Variants in PAK1 observed in about 807,000 individuals in gnomAD.
PAK1 encodes the protein serine/threonine-protein kinase PAK 1.
In PAK1, 29 loss-of-function variants were observed where a neutral mutation model predicts 67.4. The ratio of observed to expected loss-of-function variants is 0.43; its 90% CI spans 0.32 to 0.59. PAK1 has a LOEUF of 0.59. Ranked by LOEUF, PAK1 falls within the 20% of genes least tolerant of loss-of-function variation. PAK1 has a pLI of 0.07. For missense variants in PAK1, 337 were observed against 670.7 expected (o/e 0.50, Z 5.50); for synonymous variants, 223 against 237.4 (o/e 0.94, Z 0.56).
intron 1 of PAK1, among the ~76,000 whole-genome samples, chr11:77,427,033 A>C (rs1217250351): frequency 6.6e-6 from 1 of 152,168 alleles, no homozygotes; most frequent in Admixed American, 6.5e-5. Context: ...GTGGGATCTA[A>C]AGAAATACAG....
intron 14 of PAK1, among the ~76,000 whole-genome samples, chr11:77,327,569 C>T (rs1190734326): frequency 2.0e-5 from 3 of 152,100 alleles, no homozygotes; most frequent in Non-Finnish European, 4.4e-5. Context: ...AAATCCTTTA[C>T]AGACAAGCAA....
the PAK1 span, among the ~76,000 whole-genome samples, chr11:77,525,329 CAA>C: frequency 1.5e-5 from 2 of 136,936 alleles, no homozygotes; most frequent in Non-Finnish European, 3.2e-5. Flanking sequence ...GACCGTGTCT[CAA>C]AAAAAAAAAG....
At chr11:77,444,281 A>C (rs76259055) in intron 1 of PAK1, among the ~76,000 whole-genome samples, 34,703 of 143,052 alleles carry the variant, frequency 0.24, 4,747 homozygotes, top group Non-Finnish European at 0.31. Context: ...AAACCTGGAG[A>C]GCTCTAAAAA....
chr11:77,397,076 A>G (rs1951926156), intron 1 of PAK1: 1 of 152,208 alleles, frequency 6.6e-6, no homozygotes, highest in South Asian at 2.1e-4. Context: ...AGGATGAAAA[A>G]CCAATGCCTC....
At chr11:77,524,585 T>G in the PAK1 span, among the ~76,000 whole-genome samples, 89 of 152,050 alleles carry the variant, frequency 5.9e-4, 1 homozygote, top group African/African-American at 2.0e-3. Context: ...TAGGGGAGGG[T>G]TGGAGGAGAG....
chr11:77,382,670 ACATGGC>A lies in PAK1; in HGVS notation c.191-2682_191-2677del, dbSNP rs1949983436. On this transcript the variant is annotated intron_variant, in intron 2 of 14. Coordinates refer to ENST00000356341, the MANE Select transcript of PAK1 (RefSeq NM_002576.5). ...CTGTACTTCTGAATTTCAATACAGC[ACATGGC>A]TTACTTAGTTGAAGAACACTCTAGA... Among the ~76,000 whole-genome samples the A allele has an allele frequency of 2.6e-5, 4 of 152,312 alleles. No individual in the cohort carries two copies. In the South Asian group the frequency reaches 8.3e-4, roughly 32 times the overall value.
At chr11:77,528,280 TC>T in the PAK1 span, among the ~76,000 whole-genome samples, 1 of 152,102 alleles carries the variant, frequency 6.6e-6, no homozygotes, top group East Asian at 1.9e-4. Flanking sequence ...CTTAATATTA[TC>T]TAATATCCAA....
At chr11:77,403,253 G>T (rs1481266180) in intron 1 of PAK1, among the ~76,000 whole-genome samples, 1 of 151,986 alleles carries the variant, frequency 6.6e-6, no homozygotes. Context: ...TTCACTTTCT[G>T]GTCACTCCCA....
chr11:77,382,424 T>G (rs114575894), intron 2 of PAK1, among the ~76,000 whole-genome samples: 2,204 of 152,258 alleles, frequency 0.014, 45 homozygotes, highest in African/African-American at 0.05. Context: ...TGCTCTCTTC[T>G]CCTTCTCCCT....
chr11:77,448,610 G>C (rs1331664985), intron 1 of PAK1, among the ~76,000 whole-genome samples: 1 of 152,194 alleles, frequency 6.6e-6, no homozygotes, highest in Non-Finnish European at 1.5e-5. Flanking sequence ...TGTAAGGACA[G>C]CAAGCAAAGG....
chr11:77,511,600 A>G, the PAK1 span, among the ~76,000 whole-genome samples: 1 of 152,192 alleles, frequency 6.6e-6, no homozygotes, highest in Non-Finnish European at 1.5e-5. Context: ...GCCAGGTGCC[A>G]AGACGTGACA....
Position 77,374,319 on chromosome 11 carries a change from A to C in PAK1, c.477+9T>G. The stretch of plus-strand genomic sequence containing the variant: ...TGCCCACATCAAAATAGAGTAAATA[A>C]AGACTTACCAAGGCATTAGAAGAAT... On this transcript the variant is annotated intron_variant, in intron 5 of 14. Transcript: ENST00000356341. The C allele has an allele frequency of 2.6e-6, 4 of 1,562,196 alleles. No homozygotes were observed. Among genetic ancestry groups the C allele is most frequent in the Non-Finnish European group, 3.5e-6 (4 of 1,132,786 alleles).
chr11:77,386,499 A>G (rs904529002), intron 2 of PAK1, among the ~76,000 whole-genome samples: 2 of 152,160 alleles, frequency 1.3e-5, no homozygotes, highest in African/African-American at 4.8e-5. Flanking sequence ...GAATTCTGCA[A>G]CTCAGCATCA....
upstream of PAK1, among the ~76,000 whole-genome samples, chr11:77,479,547 G>T (rs896523162): frequency 6.6e-6 from 1 of 151,724 alleles, no homozygotes; most frequent in African/African-American, 2.4e-5. Flanking sequence ...ACACACGAAG[G>T]CTGGAGCTGG....
chr11:77,525,838 G>A, the PAK1 span, among the ~76,000 whole-genome samples: 2 of 152,172 alleles, frequency 1.3e-5, no homozygotes, highest in African/African-American at 4.8e-5. Flanking sequence ...ATCTTTCTCT[G>A]GAATTGTCCT....
At chr11:77,489,718 C>G in the PAK1 span, among the ~76,000 whole-genome samples, 1 of 151,174 alleles carries the variant, frequency 6.6e-6, no homozygotes, top group Non-Finnish European at 1.5e-5. Flanking sequence ...CCCGAGGTGC[C>G]GGGATTGCAG....
the PAK1 span, among the ~76,000 whole-genome samples, chr11:77,501,267 C>T: frequency 1.3e-5 from 2 of 152,220 alleles, no homozygotes; most frequent in African/African-American, 4.8e-5. Context: ...GAGAGTTTCA[C>T]ATCCATAGCA....
chr11:77,325,280 T>A, intron 14 of PAK1: 2 of 1,612,564 alleles, frequency 1.2e-6, no homozygotes, highest in Non-Finnish European at 1.7e-6. Context: ...GCCAAGAGCA[T>A]ACACACTTGA....
At position 77,353,654 on chromosome 11, in the gene PAK1, AG is replaced by A. The variant is rs1207036428; in HGVS notation, c.773-56del. On this transcript the variant is annotated intron_variant, in intron 7 of 14. Transcript: ENST00000356341. ...TTTTTCCCAAATCAAGATACAAAAAAGGTTCCACATTTCCCCAACCCCTGTA... is the reference window on the plus strand; with the variant it reads ...TTTTTCCCAAATCAAGATACAAAAAAGTTCCACATTTCCCCAACCCCTGTA... 4.3e-6 allele frequency: 6 copies of A among 1,397,810 alleles called. No homozygotes were observed. The Admixed American group carries it at 8.4e-5, about 20-fold the overall frequency. 86.6% of individuals were successfully genotyped at this position (1,397,810 alleles called of 1,614,324 possible). A position where few individuals can be genotyped will look rare whatever the true frequency, so the allele number is the denominator to read the frequency against.
Sources: gnomAD v4.1 joint callset for allele counts (sites outside exome capture counted in the v4.1 genomes callset) on GRCh38, gnomAD v4.1.1 for gene constraint, MANE v1.5 for transcripts, NCBI Gene and HGNC (gene_info 2026-07-23, HGNC 2026-07-21) for gene names.